Variants in RNF150 observed in about 807,000 individuals in gnomAD.
The protein encoded by RNF150 is ring finger protein 150.
Under a neutral mutation model 39.3 loss-of-function variants are expected in RNF150, and 24 were observed. The observed-to-expected ratio is 0.61, with a 90% CI of 0.44 to 0.86. RNF150 has a LOEUF of 0.86. RNF150 is among the 40% of genes least tolerant of loss of function. RNF150 has a pLI of 0.00. For synonymous variants in RNF150, 255 were observed against 227.3 expected (o/e 1.12, Z -1.10); for missense variants, 502 against 587.8 (o/e 0.85, Z 1.51).
upstream of RNF150, among the ~76,000 whole-genome samples, chr4:141,136,949 T>A (rs117415734): frequency 3.2e-3 from 484 of 152,276 alleles, 18 homozygotes; most frequent in East Asian, 0.082. Flanking sequence ...ATGTGGCTAT[T>A]TGGGGGACTG....
chr4:140,899,974 C>CTCTCTCTCTCTCTCTGTGTGTG (rs1365683071), intron 6 of RNF150, among the ~76,000 whole-genome samples: 1 of 69,166 alleles, frequency 1.4e-5, no homozygotes, highest in African/African-American at 4.3e-5. Context: ...CTCTCTCTCT[C>CTCTCTCTCTCTCTCTGTGTGTG]TGTGTGTGTG....
chr4:141,068,280 T>C (rs992860131), intron 1 of RNF150, among the ~76,000 whole-genome samples: 6 of 152,202 alleles, frequency 3.9e-5, no homozygotes, highest in Admixed American at 6.5e-5. Context: ...AAGTGGCTCC[T>C]ATCACTCAAA....
intron 4 of RNF150, among the ~76,000 whole-genome samples, chr4:140,929,517 C>T (rs575981968): frequency 6.6e-6 from 1 of 152,004 alleles, no homozygotes; most frequent in Admixed American, 6.5e-5. Flanking sequence ...CAGGCACCCA[C>T]CACCACGCCC....
chr4:141,179,175 A>T (rs1472317949), intron 1 of RNF150, among the ~76,000 whole-genome samples: 2 of 152,162 alleles, frequency 1.3e-5, no homozygotes, highest in Non-Finnish European at 2.9e-5. Context: ...CCATATCTCA[A>T]GAGTGTAGCA....
chr4:141,158,955 T>A (rs185504656), intron 1 of RNF150, among the ~76,000 whole-genome samples: 48 of 152,348 alleles, frequency 3.2e-4, no homozygotes, highest in African/African-American at 8.9e-4. Context: ...AAATGGCAGT[T>A]CCCAACTTGG....
At chr4:141,098,836 G>A (rs1738899805) in intron 1 of RNF150, among the ~76,000 whole-genome samples, 1 of 152,176 alleles carries the variant, frequency 6.6e-6, no homozygotes, top group East Asian at 1.9e-4. Flanking sequence ...GAAAGTCAAG[G>A]ATAGAGACAT....
At chr4:141,070,818 G>A (rs1477707453) in intron 1 of RNF150, among the ~76,000 whole-genome samples, 2 of 150,110 alleles carry the variant, frequency 1.3e-5, no homozygotes, top group African/African-American at 4.9e-5. Flanking sequence ...GTGGAAGTCA[G>A]TGTGGTGATT....
intron 2 of RNF150, among the ~76,000 whole-genome samples, chr4:140,952,942 C>A (rs1732598438): frequency 6.6e-6 from 1 of 152,168 alleles, no homozygotes; most frequent in Admixed American, 6.5e-5. Flanking sequence ...GATGATACTG[C>A]CAACTATACA....
chr4:141,040,212 C>A (rs1396211724), intron 1 of RNF150, among the ~76,000 whole-genome samples: 1 of 151,962 alleles, frequency 6.6e-6, no homozygotes. Flanking sequence ...CAGGTAAAAC[C>A]AGTAAGGTTT....
intron 4 of RNF150, among the ~76,000 whole-genome samples, chr4:140,930,343 T>C (rs1407031567): frequency 6.6e-6 from 1 of 152,226 alleles, no homozygotes; most frequent in African/African-American, 2.4e-5. Context: ...CACCTGTATC[T>C]ATATCTCCAT....
intron 1 of RNF150, among the ~76,000 whole-genome samples, chr4:141,142,459 A>T (rs1727133200): frequency 6.6e-6 from 1 of 152,162 alleles, no homozygotes; most frequent in Non-Finnish European, 1.5e-5. Flanking sequence ...CCTGAAAAGA[A>T]TCTTTCCTGT....
chr4:141,069,973 C>T (rs867858203), intron 1 of RNF150, among the ~76,000 whole-genome samples: 38 of 151,876 alleles, frequency 2.5e-4, no homozygotes, highest in Admixed American at 3.3e-4. Flanking sequence ...GTCTTGCTAG[C>T]GGTCTATCAA....
chr4:141,027,551 C>A (rs1460621943), intron 1 of RNF150, among the ~76,000 whole-genome samples: 1 of 152,102 alleles, frequency 6.6e-6, no homozygotes, highest in East Asian at 1.9e-4. Context: ...CAACATTTCC[C>A]AATCTCTCTT....
At chr4:140,975,988 T>C (rs1326388193) in intron 1 of RNF150, among the ~76,000 whole-genome samples, 1 of 152,182 alleles carries the variant, frequency 6.6e-6, no homozygotes, top group Non-Finnish European at 1.5e-5. Context: ...CTTAGAAATT[T>C]AAGCCTCTAG....
At chr4:140,881,457 C>G (rs1729369849) in intron 6 of RNF150, among the ~76,000 whole-genome samples, 1 of 152,204 alleles carries the variant, frequency 6.6e-6, no homozygotes, top group South Asian at 2.1e-4. Flanking sequence ...AGCCACCACA[C>G]CTGGCCCCTT....
chr4:140,899,091 T>G (rs1730076508), intron 6 of RNF150, among the ~76,000 whole-genome samples: 1 of 149,828 alleles, frequency 6.7e-6, no homozygotes, highest in African/African-American at 2.5e-5. Flanking sequence ...TTACTAATGG[T>G]TTTTTTTTAA....
rs1376693519 is a variant in RNF150 at position 141,093,359 on chromosome 4, C to A, written c.484+38966G>T. Reference sequence around the variant, plus strand: ...CCAGCTGGGGCAACAGAGCGAGACTCCATCTCAAAAAAAAAAAAAGGGGGG... The same window carrying A: ...CCAGCTGGGGCAACAGAGCGAGACTACATCTCAAAAAAAAAAAAAGGGGGG... On this transcript the variant is annotated intron_variant, in intron 1 of 6. Coordinates refer to ENST00000515673, the MANE Select transcript of RNF150 (RefSeq NM_020724.2). 9.2e-5 allele frequency among the ~76,000 whole-genome samples: 12 copies of A among 130,688 alleles called. No homozygotes were observed. In the Admixed American group the frequency reaches 9.2e-4, roughly 10 times the overall value. The allele number at this position is 130,688 out of a possible 152,430, so 85.7% of individuals were successfully genotyped here.
chr4:140,934,692 C>CA (rs1316212787), intron 4 of RNF150, among the ~76,000 whole-genome samples: 1 of 151,692 alleles, frequency 6.6e-6, no homozygotes, highest in Non-Finnish European at 1.5e-5. Context: ...GATTTTTAGC[C>CA]AAAACCATAT....
intron 1 of RNF150, among the ~76,000 whole-genome samples, chr4:140,972,565 T>G (rs563541893): frequency 1.3e-5 from 2 of 152,182 alleles, no homozygotes; most frequent in African/African-American, 2.4e-5. Context: ...TAGCTAGGCA[T>G]AGGCTGTCCA....
Sources: allele counts gnomAD v4.1 joint callset (sites outside exome capture counted in the v4.1 genomes callset), GRCh38; gene constraint gnomAD v4.1.1; transcripts MANE v1.5; gene names NCBI Gene and HGNC (gene_info 2026-07-23, HGNC 2026-07-21).